CCDC73: variants seen among roughly 807,000 people sequenced by gnomAD.
CCDC73 encodes the protein coiled-coil domain-containing protein 73.
Under a neutral mutation model 116.5 loss-of-function variants are expected in CCDC73, and 95 were observed. The observed-to-expected ratio is 0.82, with a 90% CI of 0.69 to 0.97. The LOEUF is 0.97. Among genes scored for constraint, CCDC73 ranks in the 50% least tolerant of loss-of-function variants. The pLI, the probability that CCDC73 is intolerant of heterozygous loss-of-function variation, is 0.00. For missense variants in CCDC73, 1,066 were observed against 1,206.8 expected (o/e 0.88, Z 1.73); for synonymous variants, 398 against 401.3 (o/e 0.99, Z 0.10).
intron 12 of CCDC73, among the ~76,000 whole-genome samples, chr11:32,651,796 T>G (rs1855828321): frequency 6.6e-6 from 1 of 152,226 alleles, no homozygotes; most frequent in African/African-American, 2.4e-5. Flanking sequence ...ATGGTAGTTT[T>G]TATGTGGGAG....
chr11:32,811,828 C>G, the CCDC73 span, among the ~76,000 whole-genome samples: 5 of 152,154 alleles, frequency 3.3e-5, no homozygotes, highest in African/African-American at 1.2e-4. Context: ...CCCACTAGGC[C>G]TACCTCCAGC....
At chr11:32,761,307 A>G (rs1462985358) in intron 1 of CCDC73, among the ~76,000 whole-genome samples, 6 of 152,102 alleles carry the variant, frequency 3.9e-5, no homozygotes, top group African/African-American at 1.4e-4. Flanking sequence ...TCATGGTATG[A>G]ATGTATTATT....
intron 9 of CCDC73, among the ~76,000 whole-genome samples, chr11:32,667,108 T>C (rs909070964): frequency 6.6e-6 from 1 of 152,132 alleles, no homozygotes; most frequent in Non-Finnish European, 1.5e-5. Flanking sequence ...TACTCGGAGG[T>C]CAGGGACCCA....
At chr11:32,828,213 A>C in the CCDC73 span, among the ~76,000 whole-genome samples, 1 of 152,158 alleles carries the variant, frequency 6.6e-6, no homozygotes, top group South Asian at 2.1e-4. Flanking sequence ...AAATTGAATT[A>C]GTCAAAAATT....
the CCDC73 span, among the ~76,000 whole-genome samples, chr11:32,815,243 G>A: frequency 1.1e-4 from 16 of 152,164 alleles, no homozygotes; most frequent in African/African-American, 3.4e-4. Flanking sequence ...AAGCAAGTAC[G>A]TGCTGGGTGT....
chr11:32,768,252 C>T (rs1407638636), intron 1 of CCDC73, among the ~76,000 whole-genome samples: 2 of 152,116 alleles, frequency 1.3e-5, no homozygotes, highest in Non-Finnish European at 2.9e-5. Flanking sequence ...TGTTCTCACT[C>T]ATAGGTGGGA....
chr11:32,635,571 A>G lies in CCDC73; in HGVS notation c.1185+125T>C, dbSNP rs911772161. 4.8e-6 allele frequency: 4 copies of G among 830,802 alleles called. No individual in the cohort carries two copies. The African/African-American group carries it at 7.1e-5, about 15-fold the overall frequency. 51.5% of individuals were successfully genotyped at this position (830,802 alleles called of 1,614,324 possible). A position where few individuals can be genotyped will look rare whatever the true frequency, so the allele number is the denominator to read the frequency against. On this transcript the variant is annotated intron_variant, in intron 14 of 17. Transcript: ENST00000335185. Reference sequence around the variant, plus strand: ...CAAAAATTAACTAAAAATGTATTAGAGACCATATGCATATACTCATTTTTT... The same window carrying G: ...CAAAAATTAACTAAAAATGTATTAGGGACCATATGCATATACTCATTTTTT...
In CCDC73 at chr11:32,760,178, C is replaced by T; in HGVS notation, c.66G>A (p.Leu22=). ...TGAAATCTAATAGCTGAATAGAAAA[C>T]AATGTCTCTGAAGAACTTTGAAGAG... ...TFTLQSSSET[L]FSIQLLDFKT... Residue 22 remains leucine, a synonymous_variant, in exon 2 of 18, where the codon TTG becomes TTA. Transcript: ENST00000335185. 2 of 1,600,776 alleles carry T rather than the reference C, an allele frequency of 1.2e-6. No individual in the cohort carries two copies. The highest frequency in any genetic ancestry group is 1.7e-6 in the Non-Finnish European group (2 of 1,171,032).
the CCDC73 span, among the ~76,000 whole-genome samples, chr11:32,806,747 G>T: frequency 1.3e-5 from 2 of 152,088 alleles, no homozygotes; most frequent in African/African-American, 2.4e-5. Flanking sequence ...AAGGCAAAAT[G>T]GTTAGAAAAT....
chr11:32,610,975 C>G (rs1250760866), intron 17 of CCDC73, among the ~76,000 whole-genome samples, 157 bp downstream of exon 17: 1 of 152,148 alleles, frequency 6.6e-6, no homozygotes, highest in African/African-American at 2.4e-5. Flanking sequence ...CTGCTGTTTT[C>G]TATCAACCTT....
At chr11:32,677,493 G>A (rs1237926146) in intron 7 of CCDC73, among the ~76,000 whole-genome samples, 2 of 152,232 alleles carry the variant, frequency 1.3e-5, no homozygotes, top group East Asian at 1.9e-4. Context: ...TATCTGAACT[G>A]ATATGAGACC....
chr11:32,645,898 T>C (rs1855774998), intron 12 of CCDC73, among the ~76,000 whole-genome samples: 1 of 152,232 alleles, frequency 6.6e-6, no homozygotes, highest in Non-Finnish European at 1.5e-5. Context: ...CAAAACATTG[T>C]TATGTGGTGC....
intron 1 of CCDC73, among the ~76,000 whole-genome samples, chr11:32,775,462 C>T (rs1644156466): frequency 6.6e-6 from 1 of 152,106 alleles, no homozygotes; most frequent in African/African-American, 2.4e-5. Context: ...TAACATTATC[C>T]TACATTATCT....
chr11:32,764,965 T>G (rs942585274), intron 1 of CCDC73, among the ~76,000 whole-genome samples: 2 of 152,150 alleles, frequency 1.3e-5, no homozygotes, highest in African/African-American at 4.8e-5. Flanking sequence ...GTTGCAATCC[T>G]AGTCTCTGAT....
chr11:32,766,110 T>C (rs1022771393), intron 1 of CCDC73, among the ~76,000 whole-genome samples: 2 of 152,164 alleles, frequency 1.3e-5, no homozygotes, highest in African/African-American at 4.8e-5. Flanking sequence ...TTATCCACCA[T>C]GATCAAGTGG....
intron 5 of CCDC73, among the ~76,000 whole-genome samples, chr11:32,699,880 ATATAT>A (rs756194893): frequency 6.5e-5 from 9 of 138,826 alleles, no homozygotes; most frequent in East Asian, 5.9e-4. Flanking sequence ...AGATTAAAAA[ATATAT>A]ATATATATAT....
chr11:32,641,686 G>C (rs1855733924), intron 13 of CCDC73, among the ~76,000 whole-genome samples: 1 of 144,342 alleles, frequency 6.9e-6, no homozygotes, highest in Non-Finnish European at 1.5e-5. Context: ...TGTCACATGG[G>C]GGCTCAAATT....
chr11:32,789,012 T>C (rs972131075), intron 1 of CCDC73, among the ~76,000 whole-genome samples: 26 of 152,166 alleles, frequency 1.7e-4, no homozygotes, highest in African/African-American at 5.3e-4. Flanking sequence ...AAACATACTA[T>C]CCCATTGCAA....
At chr11:32,818,046 C>T in the CCDC73 span, among the ~76,000 whole-genome samples, 2 of 152,206 alleles carry the variant, frequency 1.3e-5, no homozygotes, top group African/African-American at 4.8e-5. Context: ...TGTAATAGTC[C>T]TTTCACCTAG....
Sources: allele counts gnomAD v4.1 joint callset (sites outside exome capture counted in the v4.1 genomes callset), GRCh38; gene constraint gnomAD v4.1.1; transcripts MANE v1.5; gene names NCBI Gene and HGNC (gene_info 2026-07-23, HGNC 2026-07-21).